FAM83B: variants seen among roughly 807,000 people sequenced by gnomAD.
The protein encoded by FAM83B is scaffolding CK1 anchoring protein B.
A neutral mutation model predicts 38.8 loss-of-function variants in FAM83B; 26 were observed. The ratio of observed to expected loss-of-function variants is 0.67; its 90% CI spans 0.49 to 0.93. The LOEUF is 0.93. Ranked by LOEUF, FAM83B falls within the 40% of genes least tolerant of loss-of-function variation. The pLI, the probability that FAM83B is intolerant of heterozygous loss-of-function variation, is 0.00. For synonymous variants in FAM83B, 419 were observed against 423.1 expected (o/e 0.99, Z 0.12); for missense variants, 1,237 against 1,197.3 (o/e 1.03, Z -0.49).
chr6:54,855,499 T>C (rs1771426465), intron 1 of FAM83B, among the ~76,000 whole-genome samples: 1 of 152,234 alleles, frequency 6.6e-6, no homozygotes, highest in Non-Finnish European at 1.5e-5. Flanking sequence ...ATATATTATC[T>C]GAGAAATCTG....
intron 2 of FAM83B, among the ~76,000 whole-genome samples, chr6:54,872,001 A>C (rs1771867784): frequency 6.6e-6 from 1 of 152,128 alleles, no homozygotes; most frequent in Non-Finnish European, 1.5e-5. Context: ...AAGACAGGCA[A>C]CTAAAAGGCT....
At chr6:54,925,520 G>A (rs951242419) in intron 2 of FAM83B, among the ~76,000 whole-genome samples, 1 of 152,062 alleles carries the variant, frequency 6.6e-6, no homozygotes, top group Admixed American at 6.6e-5. Flanking sequence ...TTAGGGACCT[G>A]TTCTTTAGGG....
intron 2 of FAM83B, among the ~76,000 whole-genome samples, chr6:54,917,674 A>G (rs1444965178): frequency 6.6e-6 from 1 of 152,156 alleles, no homozygotes; most frequent in Non-Finnish European, 1.5e-5. Flanking sequence ...TTTCTCCATA[A>G]TAAGTTTTCT....
At chr6:54,875,863 G>T (rs1466379364) in intron 2 of FAM83B, among the ~76,000 whole-genome samples, 1 of 152,110 alleles carries the variant, frequency 6.6e-6, no homozygotes, top group Non-Finnish European at 1.5e-5. Flanking sequence ...TGTCTGTATG[G>T]CAGTACTCTG....
chr6:54,942,074 A>G lies in FAM83B; in HGVS notation c.*67A>G. 6.9e-7 allele frequency: 1 copy of G among 1,459,590 alleles called. No individual in the cohort carries two copies. The highest frequency in any genetic ancestry group is 9.2e-7 in the Non-Finnish European group (1 of 1,083,534). 90.4% of individuals were successfully genotyped at this position (1,459,590 alleles called of 1,614,324 possible). On this transcript the variant is annotated 3_prime_UTR_variant, in exon 5 of 5. Transcript: ENST00000306858. The stretch of plus-strand genomic sequence containing the variant: ...AAAGAAAATTGTGGACAGTCTTTGT[A>G]ACATGCCAATAGATTTTCCTAAGGA...
intron 2 of FAM83B, among the ~76,000 whole-genome samples, chr6:54,919,758 T>G (rs1773130115): frequency 6.6e-6 from 1 of 152,076 alleles, no homozygotes; most frequent in Non-Finnish European, 1.5e-5. Context: ...TAATACTCTT[T>G]TATGATAGTG....
intron 1 of FAM83B, among the ~76,000 whole-genome samples, chr6:54,855,533 C>A (rs1395009243): frequency 6.6e-6 from 1 of 152,158 alleles, no homozygotes; most frequent in African/African-American, 2.4e-5. Flanking sequence ...ATACTCAAAG[C>A]CATACTCATA....
At chr6:54,882,524 C>G (rs777065680) in intron 2 of FAM83B, among the ~76,000 whole-genome samples, 16 of 152,102 alleles carry the variant, frequency 1.1e-4, no homozygotes, top group Non-Finnish European at 2.1e-4. Context: ...TTGGGCTTAC[C>G]ATTATGGTGT....
intron 2 of FAM83B, among the ~76,000 whole-genome samples, chr6:54,915,577 C>G (rs1204671178): frequency 1.1e-5 from 1 of 91,172 alleles, no homozygotes; most frequent in Non-Finnish European, 2.1e-5. Flanking sequence ...GAGGCCGAGG[C>G]GGGTGGATCA....
chr6:54,862,911 A>G (rs893131672), intron 1 of FAM83B, among the ~76,000 whole-genome samples: 2 of 151,864 alleles, frequency 1.3e-5, no homozygotes, highest in Admixed American at 1.3e-4. Context: ...TCCACCTGTC[A>G]TCTTGTTTTC....
chr6:54,887,720 T>G (rs1772310865), intron 2 of FAM83B, among the ~76,000 whole-genome samples: 1 of 126,370 alleles, frequency 7.9e-6, no homozygotes, highest in Admixed American at 7.5e-5. Context: ...ATTACATAAC[T>G]ATTTAACTTT....
At chr6:54,883,076 TA>T (rs1772171975) in intron 2 of FAM83B, among the ~76,000 whole-genome samples, 1 of 152,110 alleles carries the variant, frequency 6.6e-6, no homozygotes, top group African/African-American at 2.4e-5. Flanking sequence ...TAGCTGGGAC[TA>T]CAGGCACCCA....
intron 2 of FAM83B, among the ~76,000 whole-genome samples, chr6:54,924,425 T>C (rs987993147): frequency 1.3e-5 from 2 of 151,246 alleles, no homozygotes; most frequent in Admixed American, 1.3e-4. Context: ...TAGTTTTCTG[T>C]ATCTTCTATA....
intron 1 of FAM83B, among the ~76,000 whole-genome samples, chr6:54,868,168 A>G (rs1184980804): frequency 6.6e-6 from 1 of 152,192 alleles, no homozygotes; most frequent in Admixed American, 6.5e-5. Flanking sequence ...GCATGATATC[A>G]TGAATATGAA....
Position 54,941,318 on chromosome 6 carries a change from C to T in FAM83B, c.2347C>T (p.Pro783Ser), listed in dbSNP as rs562697899. The T allele has an allele frequency of 1.2e-5, 20 of 1,612,358 alleles. No homozygotes were observed. In the African/African-American group the frequency reaches 2.5e-4, roughly 20 times the overall value. Residue 783 changes from proline to serine, a missense_variant, in exon 5 of 5, where the codon CCA becomes TCA. Physicochemically the swap from Pro to Ser is moderately conservative, Grantham distance 74. Transcript: ENST00000306858. The stretch of plus-strand genomic sequence containing the variant: ...GTTAAGGTCATTACTTAGCCTTACC[C>T]CAGATAAGAAAGAAAATCTATCCAA... ...QKLRSLLSLT[P>S]DKKENLSKNK...
Position 54,940,687 on chromosome 6 carries a change from G to A in FAM83B, c.1716G>A (p.Gln572=). The A allele has an allele frequency of 1.2e-6, 2 of 1,613,986 alleles. No homozygotes were observed. The highest frequency in any genetic ancestry group is 1.7e-6 in the Non-Finnish European group (2 of 1,180,000). The change falls in exon 5 of 5, where the codon CAG becomes CAA. Residue 572 remains glutamine (Q), a synonymous_variant. Transcript: ENST00000306858. Reference sequence around the variant, plus strand: ...CAAATTCAACTATCATTGGTTCTCAGGGAAGTGAGACACCTAAAGAGGTCC... The same window carrying A: ...CAAATTCAACTATCATTGGTTCTCAAGGAAGTGAGACACCTAAAGAGGTCC... The part of the protein sequence containing the change: ...GSSNSTIIGS[Q]GSETPKEVPD...
rs1224345080 is a variant in FAM83B at position 54,913,931 on chromosome 6, ATG to A, written c.445-12436_445-12435del. On this transcript the variant is annotated intron_variant, in intron 2 of 4. Transcript: ENST00000306858. ...AAAAAAGCTTTTGAAAACATACCCC[ATG>A]TGTAATTATCAAACCTAAAGAATAA... Among the ~76,000 whole-genome samples, 6 of 151,826 alleles carry A rather than the reference ATG, an allele frequency of 4.0e-5. No individual in the cohort carries two copies. In the South Asian group the frequency reaches 1.2e-3, roughly 32 times the overall value.
intron 2 of FAM83B, among the ~76,000 whole-genome samples, chr6:54,892,837 C>T (rs1335736324): frequency 6.6e-6 from 1 of 152,012 alleles, no homozygotes; most frequent in Non-Finnish European, 1.5e-5. Context: ...CTCTTAAGTG[C>T]GGATGGGGCT....
At chr6:54,930,586 T>A (rs1054995245) in intron 4 of FAM83B, among the ~76,000 whole-genome samples, 14 of 151,634 alleles carry the variant, frequency 9.2e-5, no homozygotes, top group Non-Finnish European at 1.0e-4. Context: ...GATGGAACTC[T>A]AAGTTGAACC....
Sources: gnomAD v4.1 joint callset for allele counts (sites outside exome capture counted in the v4.1 genomes callset) on GRCh38, gnomAD v4.1.1 for gene constraint, MANE v1.5 for transcripts, NCBI Gene and HGNC (gene_info 2026-07-23, HGNC 2026-07-21) for gene names.